NUMB: variants seen among roughly 807,000 people sequenced by gnomAD.
NUMB encodes the protein NUMB endocytic adaptor protein, also known as protein numb homolog.
Under a neutral mutation model 59.7 loss-of-function variants are expected in NUMB, and 29 were observed. The observed-to-expected ratio is 0.49, with a 90% CI of 0.36 to 0.66. The LOEUF (loss-of-function observed/expected upper bound fraction) is 0.66. Among genes scored for constraint, NUMB ranks in the 30% least tolerant of loss-of-function variants. NUMB has a pLI of 0.00. For synonymous variants in NUMB, 288 were observed against 288.2 expected, an observed-to-expected ratio of 1.00 and a Z score of 0.01; for missense variants, 723 against 822.0, an observed-to-expected ratio of 0.88 and a Z score of 1.47.
intron 1 of NUMB, among the ~76,000 whole-genome samples, chr14:73,421,967 C>T (rs1363627175): frequency 2.0e-5 from 3 of 151,910 alleles, no homozygotes; most frequent in Non-Finnish European, 2.9e-5. Context: ...CGTGAAACCC[C>T]GTCTCTACTA....
chr14:73,451,995 G>C (rs1305228310), intron 1 of NUMB, among the ~76,000 whole-genome samples: 1 of 152,186 alleles, frequency 6.6e-6, no homozygotes, highest in Non-Finnish European at 1.5e-5. Flanking sequence ...GGTAGCTCAT[G>C]CCTGTAATCC....
intron 2 of NUMB, among the ~76,000 whole-genome samples, chr14:73,395,037 T>TTATG (rs1230785169): frequency 0.056 from 6,660 of 119,958 alleles, 322 homozygotes; most frequent in East Asian, 0.1. Context: ...ATTCGTGTGT[T>TTATG]TGTGTGTGTG....
At chr14:73,309,718 TATA>T (rs199953380) in intron 6 of NUMB, among the ~76,000 whole-genome samples, 31,891 of 136,996 alleles carry the variant, frequency 0.23, 4,080 homozygotes, top group East Asian at 0.56. Context: ...GAACTTAAGG[TATA>T]ATAATAATAA....
At chr14:73,408,120 G>A (rs1022260226) in intron 2 of NUMB, among the ~76,000 whole-genome samples, 7 of 152,022 alleles carry the variant, frequency 4.6e-5, no homozygotes, top group African/African-American at 7.2e-5. Flanking sequence ...CCAGCTACTC[G>A]GGAGGCTGAG....
At chr14:73,321,340 A>T (rs1232301724) in intron 5 of NUMB, among the ~76,000 whole-genome samples, 2 of 152,176 alleles carry the variant, frequency 1.3e-5, no homozygotes, top group Middle Eastern at 3.2e-3. Flanking sequence ...TTAGTATAAA[A>T]TATTATTTAA....
At chr14:73,352,584 G>A (rs1893460633) in intron 4 of NUMB, among the ~76,000 whole-genome samples, 1 of 131,880 alleles carries the variant, frequency 7.6e-6, no homozygotes, top group Non-Finnish European at 1.6e-5. Context: ...GCCCAGGCTG[G>A]AGTGCAGTGG....
chr14:73,329,754 C>G (rs1203011175), intron 4 of NUMB, among the ~76,000 whole-genome samples: 3 of 152,326 alleles, frequency 2.0e-5, no homozygotes, highest in Non-Finnish European at 2.9e-5. Context: ...AGTTTTGACT[C>G]TCAGCTCACT....
intron 5 of NUMB, among the ~76,000 whole-genome samples, chr14:73,320,882 G>A (rs1230019927): frequency 6.7e-6 from 1 of 149,922 alleles, no homozygotes; most frequent in East Asian, 1.9e-4. Flanking sequence ...AAAAAAAAAG[G>A]TAAAATAAAA....
intron 1 of NUMB, among the ~76,000 whole-genome samples, chr14:73,451,146 T>A (rs1311614231): frequency 9.3e-6 from 1 of 106,956 alleles, no homozygotes; most frequent in Non-Finnish European, 1.8e-5. Context: ...AGAGCAGGAC[T>A]CTGTCTCAAA....
rs187757505 is a variant in NUMB, at chr14:73,439,319, C to T, written c.-233+19174G>A. On this transcript the variant is annotated intron_variant, in intron 1 of 12. Coordinates refer to ENST00000555238, the MANE Select transcript of NUMB (RefSeq NM_001005743.2). ...ACTCTGTAAAAAAATGTATGCTTTT[C>T]CCTTTGCTCTTAAGATCTCTAAAAG... 3.8e-3 allele frequency among the ~76,000 whole-genome samples: 575 copies of T among 152,236 alleles called. 6 individuals are homozygous for T. Among genetic ancestry groups the T allele is most frequent in the Middle Eastern group, 0.017 (5 of 294 alleles).
intron 1 of NUMB, among the ~76,000 whole-genome samples, chr14:73,419,746 C>T (rs1327727537): frequency 1.3e-5 from 2 of 152,124 alleles, no homozygotes; most frequent in Non-Finnish European, 2.9e-5. Flanking sequence ...CCCTTAACAT[C>T]CTCAGACAAT....
chr14:73,299,780 G>T (rs1343960742), intron 6 of NUMB, among the ~76,000 whole-genome samples: 1 of 152,092 alleles, frequency 6.6e-6, no homozygotes, highest in Non-Finnish European at 1.5e-5. Context: ...AAGGAGAGCT[G>T]CAGGGCAATA....
Position 73,297,211 on chromosome 14 carries a change from C to T in NUMB, c.309G>A (p.Lys103=), listed in dbSNP as rs1441844477. ...DGLRVVDEKT[K]DLIVDQTIEK... ...TCAAAATAAAAATAAAGAATCTTAC[C>T]TTAGTTTTTTCATCCACAACTCTGA... The change falls in exon 7 of 13, where the codon AAG becomes AAA. Residue 103 remains lysine, a splice_region_variant and synonymous_variant. Transcript: ENST00000555238. 6.4e-7 allele frequency: 1 copy of T among 1,568,194 alleles called. No homozygotes were observed. Among genetic ancestry groups the T allele is most frequent in the South Asian group, 1.1e-5 (1 of 88,788 alleles).
At chr14:73,369,493 T>G (rs1465831271) in intron 2 of NUMB, among the ~76,000 whole-genome samples, 2 of 152,208 alleles carry the variant, frequency 1.3e-5, no homozygotes, top group African/African-American at 4.8e-5. Context: ...TCATTAATAC[T>G]TCATAAAGTG....
At chr14:73,367,718 C>T (rs989043707) in intron 2 of NUMB, among the ~76,000 whole-genome samples, 3 of 144,004 alleles carry the variant, frequency 2.1e-5, no homozygotes, top group South Asian at 2.2e-4. Flanking sequence ...AAGGCTGCAG[C>T]GAGCTGTGAT....
chr14:73,328,293 T>C (rs1462844523), intron 4 of NUMB, among the ~76,000 whole-genome samples: 4 of 149,214 alleles, frequency 2.7e-5, no homozygotes, highest in South Asian at 4.2e-4. Flanking sequence ...AAAAAAGTCA[T>C]ATAAATGGAA....
At chr14:73,394,007 C>T (rs1895989294) in intron 2 of NUMB, among the ~76,000 whole-genome samples, 1 of 152,018 alleles carries the variant, frequency 6.6e-6, no homozygotes, top group African/African-American at 2.4e-5. Context: ...ACTCTTGTGC[C>T]CAGGCTGGAG....
chr14:73,350,078 T>TACACACACACACACACAC (rs71112732), intron 4 of NUMB, among the ~76,000 whole-genome samples: 4 of 137,688 alleles, frequency 2.9e-5, no homozygotes, highest in African/African-American at 8.7e-5. Context: ...CATACATACA[T>TACACACACACACACACAC]ACACACACAC....
At chr14:73,421,710 G>A (rs1279096679) in intron 1 of NUMB, among the ~76,000 whole-genome samples, 1 of 152,090 alleles carries the variant, frequency 6.6e-6, no homozygotes, top group African/African-American at 2.4e-5. Flanking sequence ...TCTTGGTAAA[G>A]TTCTGAACAA....
Sources: allele counts gnomAD v4.1 joint callset (sites outside exome capture counted in the v4.1 genomes callset), GRCh38; gene constraint gnomAD v4.1.1; transcripts MANE v1.5; gene names NCBI Gene and HGNC (gene_info 2026-07-23, HGNC 2026-07-21).